Variants in SLC6A20 observed in about 807,000 individuals in gnomAD.
SLC6A20 encodes the protein sodium- and chloride-dependent transporter XTRP3.
A neutral mutation model predicts 64.3 loss-of-function variants in SLC6A20; 73 were observed. The ratio of observed to expected loss-of-function variants is 1.14; its 90% CI spans 0.94 to 1.38. SLC6A20 has a LOEUF of 1.38. SLC6A20 is among the 40% of genes most tolerant of loss of function. SLC6A20 has a pLI of 0.00. For missense variants in SLC6A20, 725 were observed against 772.8 expected (o/e 0.94, Z 0.73); for synonymous variants, 347 against 329.6 (o/e 1.05, Z -0.57).
rs1048181933 is a variant in SLC6A20, at chr3:45,756,549, AGAC to A, written c.*2426_*2428del. 2 of 152,220 alleles carry A rather than the reference AGAC, an allele frequency of 1.3e-5. No homozygotes were observed. The highest frequency in any genetic ancestry group is 4.8e-5 in the African/African-American group (2 of 41,444). The allele number at this position is 152,220 out of a possible 1,614,324, so 9.4% of individuals were successfully genotyped here. ...TGAGATGGTTGCTGAAGACAGTAGAAGACCTTTCTAAAGCCTATTTTTGCTGTA... is the reference window on the plus strand; with the variant it reads ...TGAGATGGTTGCTGAAGACAGTAGAACTTTCTAAAGCCTATTTTTGCTGTA... On this transcript the variant is annotated 3_prime_UTR_variant, in exon 11 of 11. Transcript: ENST00000358525.
chr3:45,795,703 A>T (rs1018567862), intron 1 of SLC6A20, among the ~76,000 whole-genome samples: 3 of 152,190 alleles, frequency 2.0e-5, no homozygotes, highest in Non-Finnish European at 2.9e-5. Context: ...CTGTCCCCGG[A>T]GCGTGCATGA....
rs978713366 is a variant in SLC6A20, at chr3:45,765,208, G to A, written c.1303+329C>T. 1.6e-4 allele frequency among the ~76,000 whole-genome samples: 25 copies of A among 152,082 alleles called. No homozygotes were observed. Among genetic ancestry groups the A allele is most frequent in the East Asian group, 1.2e-3 (6 of 5,198 alleles). On this transcript the variant is annotated intron_variant, in intron 8 of 10. Coordinates refer to ENST00000358525, the MANE Select transcript of SLC6A20 (RefSeq NM_020208.4). This position sits in a 1 kb window ranked among gnomAD's most constrained non-coding sequence, Gnocchi z 4.2. ...AGCCTGGGCAACAGAGCGAGACTCC[G>A]TCTGAAATATATATAATATACTTCA...
At chr3:45,795,764 T>C (rs1351979096) in intron 1 of SLC6A20, among the ~76,000 whole-genome samples, 6 of 152,192 alleles carry the variant, frequency 3.9e-5, no homozygotes, top group African/African-American at 1.4e-4. Context: ...ACAGAATGAT[T>C]TGCATTTCCT....
At chr3:45,785,353 C>G (rs971068951) in intron 1 of SLC6A20, among the ~76,000 whole-genome samples, 2 of 152,172 alleles carry the variant, frequency 1.3e-5, no homozygotes, top group Non-Finnish European at 2.9e-5. Flanking sequence ...CTGGGAAAGG[C>G]AGACCCACCC....
rs1374302941 is a variant in SLC6A20, at chr3:45,796,388, G to A, written c.32C>T (p.Ser11Leu). MEKARPLWAN[S>L]LQFVFACISY... ...GATGCAGGCGAACACGAACTGTAGCGAGTTGGCCCACAGCGGCCGCGCTTT... is the reference window on the plus strand; with the variant it reads ...GATGCAGGCGAACACGAACTGTAGCAAGTTGGCCCACAGCGGCCGCGCTTT... Residue 11 changes from serine (S) to leucine (L), a missense_variant, in exon 1 of 11, where the codon TCG becomes TTG. Physicochemically the swap from Ser to Leu is moderately radical, Grantham distance 145. Coordinates refer to ENST00000358525, the MANE Select transcript of SLC6A20 (RefSeq NM_020208.4). 3 of 1,612,508 alleles carry A rather than the reference G, an allele frequency of 1.9e-6. No homozygotes were observed. The South Asian group carries it at 3.3e-5, about 18-fold the overall frequency.
chr3:45,776,674 C>T (rs1002711168), intron 3 of SLC6A20, among the ~76,000 whole-genome samples: 23 of 152,178 alleles, frequency 1.5e-4, no homozygotes, highest in Admixed American at 1.2e-3. Flanking sequence ...AAATGCCATT[C>T]GCCACCAGCA....
rs1004495191 is a variant in SLC6A20 at position 45,766,508 on chromosome 3, G to A, written c.1099-767C>T. On this transcript the variant is annotated intron_variant, in intron 7 of 10. Transcript: ENST00000358525. The stretch of plus-strand genomic sequence containing the variant: ...TCAGATTTAGAACATCCCTCCCCGA[G>A]GTGGCAGATGTTGGACTGTCAGATT... Among the ~76,000 whole-genome samples, 3 of 152,338 alleles carry A rather than the reference G, an allele frequency of 2.0e-5. No homozygotes were observed. In the South Asian group the frequency reaches 6.2e-4, roughly 32 times the overall value.
chr3:45,770,147 C>T, intron 7 of SLC6A20, 62 bp downstream of exon 7: 2 of 1,597,356 alleles, frequency 1.3e-6, no homozygotes, highest in South Asian at 1.1e-5. Flanking sequence ...GTCAGCAGCT[C>T]ACCAAGGTTC....
At chr3:45,779,572 C>T (rs980489138) in intron 3 of SLC6A20, among the ~76,000 whole-genome samples, 2 of 152,176 alleles carry the variant, frequency 1.3e-5, no homozygotes, top group Non-Finnish European at 2.9e-5. Context: ...ACGAGTGGCC[C>T]TGAGGAAAGC....
chr3:45,796,489 G>A lies in SLC6A20; in HGVS notation c.-70C>T, dbSNP rs148588229. On this transcript the variant is annotated 5_prime_UTR_variant, in exon 1 of 11. Transcript: ENST00000358525. The stretch of plus-strand genomic sequence containing the variant: ...CGGCAGTCTCAGTGCGCGGTCGCCA[G>A]GCGCGCCGTCCCACCCCGGCTCGGC... 2 of 1,493,958 alleles carry A rather than the reference G, an allele frequency of 1.3e-6. No individual in the cohort carries two copies. Among genetic ancestry groups the A allele is most frequent in the Admixed American group, 2.1e-5 (1 of 48,222 alleles). 92.5% of individuals were successfully genotyped at this position (1,493,958 alleles called of 1,614,324 possible).
At chr3:45,766,690 A>G (rs1032042258) in intron 7 of SLC6A20, among the ~76,000 whole-genome samples, 1 of 152,242 alleles carries the variant, frequency 6.6e-6, no homozygotes, top group African/African-American at 2.4e-5. Flanking sequence ...CTGTAGCCTT[A>G]TAACAAGAGG....
At chr3:45,759,279 A>C in intron 10 of SLC6A20, 152 bp from the exon 11 acceptor site, 1 of 749,038 alleles carries the variant, frequency 1.3e-6, no homozygotes, top group Non-Finnish European at 2.0e-6. Flanking sequence ...TCTGCAATTC[A>C]CTAGCAAATG....
chr3:45,789,159 C>T (rs1471468426), intron 1 of SLC6A20, among the ~76,000 whole-genome samples: 1 of 152,112 alleles, frequency 6.6e-6, no homozygotes, highest in Admixed American at 6.6e-5. Flanking sequence ...CAACAGATGA[C>T]ATTTCATTCT....
At chr3:45,778,245 G>T (rs1190197560) in intron 3 of SLC6A20, among the ~76,000 whole-genome samples, 1 of 152,216 alleles carries the variant, frequency 6.6e-6, no homozygotes, top group Non-Finnish European at 1.5e-5. Flanking sequence ...CACCAGCTAT[G>T]AGCTACTCGG....
intron 3 of SLC6A20, among the ~76,000 whole-genome samples, chr3:45,779,414 G>T (rs1024825204): frequency 3.9e-5 from 6 of 152,228 alleles, no homozygotes. Flanking sequence ...TCTACAGAGT[G>T]TCAGCTGTAG....
In SLC6A20 at chr3:45,770,276, T is replaced by C. The variant is rs758747756; in HGVS notation, c.1031A>G (p.Tyr344Cys). Reference protein sequence around the residue: ...EQVKGYLASAYPSKYSEMFPQ... With the variant: ...EQVKGYLASACPSKYSEMFPQ... The stretch of plus-strand genomic sequence containing the variant: ...GAACATCTCGCTGTATTTGCTTGGG[T>C]AGGCAGATGCGAGGTAGCCCTTCAC... The change falls in exon 7 of 11, where the codon TAC becomes TGC. Residue 344 changes from tyrosine to cysteine, a missense_variant. Transcript: ENST00000358525. 1 of 1,614,082 alleles carries C rather than the reference T, an allele frequency of 6.2e-7. No individual in the cohort carries two copies. The highest frequency in any genetic ancestry group is 1.3e-5 in the African/African-American group (1 of 74,924).
intron 4 of SLC6A20, among the ~76,000 whole-genome samples, chr3:45,773,269 T>C (rs1428457086): frequency 6.6e-6 from 1 of 152,174 alleles, no homozygotes; most frequent in African/African-American, 2.4e-5. Context: ...ATAAACACAA[T>C]AGGAAATTCA....
intron 1 of SLC6A20, among the ~76,000 whole-genome samples, chr3:45,788,333 T>C (rs1700201381): frequency 6.6e-6 from 1 of 151,856 alleles, no homozygotes; most frequent in African/African-American, 2.4e-5. Context: ...AGATGGAGAT[T>C]ACAAGAAGAG....
intron 1 of SLC6A20, among the ~76,000 whole-genome samples, chr3:45,789,463 C>T (rs1700214448): frequency 6.6e-6 from 1 of 152,132 alleles, no homozygotes; most frequent in African/African-American, 2.4e-5. Context: ...CAGCATAAAA[C>T]TTTACGTGAC....
Sources: allele counts gnomAD v4.1 joint callset (sites outside exome capture counted in the v4.1 genomes callset), GRCh38; gene constraint gnomAD v4.1.1; non-coding constraint Gnocchi (gnomAD v3.1); transcripts MANE v1.5; gene names NCBI Gene and HGNC (gene_info 2026-07-23, HGNC 2026-07-21).